LYST: variants seen among roughly 807,000 people sequenced by gnomAD.
LYST encodes lysosomal trafficking regulator.
In LYST, 192 loss-of-function variants were observed where a neutral mutation model predicts 413.6. That is an observed-to-expected ratio of 0.46 (90% confidence interval 0.41 to 0.52). The LOEUF (loss-of-function observed/expected upper bound fraction) is 0.52. LYST is among the 20% of genes least tolerant of loss of function. The probability of loss-of-function intolerance (pLI) is 0.00; values close to 1 mark genes in which losing one functional copy is unlikely to be tolerated. For missense variants in LYST, 3,815 were observed against 4,499.9 expected (o/e 0.85, Z 4.35); for synonymous variants, 1,525 against 1,567.3 (o/e 0.97, Z 0.64).
intron 21 of LYST, among the ~76,000 whole-genome samples, chr1:235,763,311 C>T (rs1245975319): frequency 6.6e-6 from 1 of 152,180 alleles, no homozygotes; most frequent in Non-Finnish European, 1.5e-5. Flanking sequence ...ACAAATGCAA[C>T]AAATCTAAAT....
intron 1 of LYST, among the ~76,000 whole-genome samples, chr1:235,845,670 C>T (rs936139441): frequency 6.6e-6 from 1 of 152,030 alleles, no homozygotes. Context: ...GTGAGAGTGG[C>T]CCTTCTGTTT....
intron 20 of LYST, among the ~76,000 whole-genome samples, chr1:235,769,314 A>C (rs957255201): frequency 6.6e-6 from 1 of 152,012 alleles, no homozygotes; most frequent in African/African-American, 2.4e-5. Flanking sequence ...AAGGGAAAGA[A>C]ATCCAGGGAG....
Position 235,726,926 on chromosome 1 carries a change from C to T in LYST, c.9162+1150G>A, listed in dbSNP as rs1015579037. On this transcript the variant is annotated intron_variant, in intron 38 of 52. Coordinates refer to ENST00000389793, the MANE Select transcript of LYST (RefSeq NM_000081.4). Reference sequence around the variant, plus strand: ...GTCTCATACATCAACTATTAAATTCCTTGGCTGATAAAAGGATCCATCTTG... The same window carrying T: ...GTCTCATACATCAACTATTAAATTCTTTGGCTGATAAAAGGATCCATCTTG... Among the ~76,000 whole-genome samples the T allele has an allele frequency of 2.6e-5, 4 of 152,134 alleles. No individual in the cohort carries two copies. In the South Asian group the frequency reaches 8.3e-4, roughly 31 times the overall value.
chr1:235,869,813 CAA>C (rs1680853422), upstream of LYST, among the ~76,000 whole-genome samples: 2 of 149,990 alleles, frequency 1.3e-5, no homozygotes, highest in Non-Finnish European at 3.0e-5. Flanking sequence ...TCTGGCTCCT[CAA>C]AACTTCGTCT....
Position 235,715,332 on chromosome 1 carries a change from C to A in LYST, c.9653G>T (p.Gly3218Val), listed in dbSNP as rs1337650945. Residue 3218 changes from glycine (G) to valine (V), a missense_variant, in exon 42 of 53, where the codon GGA becomes GTA. By Grantham distance (109) the Gly-to-Val change is moderately radical. Transcript: ENST00000389793. ...AGGCATGGGGTCATCTTCTCTGGCT[C>A]CTTTGCGGTACTCTTCCTCCAAGTA... ...YKYLEEEYRKGAREDDPMPPV... is the reference protein window; with the variant it reads ...YKYLEEEYRKVAREDDPMPPV... 1.2e-6 allele frequency: 2 copies of A among 1,613,962 alleles called. No homozygotes were observed. The highest frequency in any genetic ancestry group is 1.7e-6 in the Non-Finnish European group (2 of 1,179,918).
Position 235,731,184 on chromosome 1 carries a change from G to A in LYST, c.8802-7C>T, listed in dbSNP as rs763001543. On this transcript the variant is annotated splice_region_variant and splice_polypyrimidine_tract_variant and intron_variant, in intron 34 of 52. Coordinates refer to ENST00000389793, the MANE Select transcript of LYST (RefSeq NM_000081.4). The stretch of plus-strand genomic sequence containing the variant: ...GGGGTCATACCATACTGCTCTGCAA[G>A]TAAAAAGATTAAAGGGTGTTTTAAG... 1 of 1,613,890 alleles carries A rather than the reference G, an allele frequency of 6.2e-7. No homozygotes were observed. The highest frequency in any genetic ancestry group is 8.5e-7 in the Non-Finnish European group (1 of 1,179,782).
In LYST at chr1:235,777,409, CCTTTT is replaced by C. The variant is rs569930396; in HGVS notation, c.5215-106_5215-102del. On this transcript the variant is annotated intron_variant, in intron 16 of 52. Coordinates refer to ENST00000389793, the MANE Select transcript of LYST (RefSeq NM_000081.4). ...CAAAGTGAAAACACACTCAACTGAT[CCTTTT>C]CTTTGTTTAAAAAACAACAGCTACT... The C allele has an allele frequency of 9.4e-5, 93 of 990,430 alleles. No homozygotes were observed. In the African/African-American group the frequency reaches 1.3e-3, roughly 14 times the overall value. The allele number at this position is 990,430 out of a possible 1,614,324, so 61.4% of individuals were successfully genotyped here.
At chr1:235,865,363 A>T (rs1223031341) in intron 1 of LYST, among the ~76,000 whole-genome samples, 1 of 152,102 alleles carries the variant, frequency 6.6e-6, no homozygotes, top group Non-Finnish European at 1.5e-5. Flanking sequence ...GTAGTACTTA[A>T]CACCATCTGA....
At position 235,806,096 on chromosome 1, in the gene LYST, C is replaced by T. The variant is rs757852938; in HGVS notation, c.3040G>A (p.Gly1014Arg). The T allele has an allele frequency of 1.9e-6, 3 of 1,613,652 alleles. No individual in the cohort carries two copies. In the South Asian group the frequency reaches 3.3e-5, roughly 18 times the overall value. Residue 1014 changes from glycine to arginine, a missense_variant, in exon 6 of 53, where the codon GGA becomes AGA. Around this residue, in one of 4 missense-constraint regions of LYST, gnomAD observed 1,648 missense variants for 1,810.3 expected, o/e 0.91. Coordinates refer to ENST00000389793, the MANE Select transcript of LYST (RefSeq NM_000081.4). ...SHKEEQGKKE[G>R]DTSVNENQDL... is the part of the protein sequence containing the mutation. ...TGGTTTTCATTTACACTTGTATCTCCCTCCTTTTTTCCTTGCTCCTCTTTG... is the reference window on the plus strand; with the variant it reads ...TGGTTTTCATTTACACTTGTATCTCTCTCCTTTTTTCCTTGCTCCTCTTTG...
Position 235,791,919 on chromosome 1 carries a change from C to A in LYST, c.4323G>T (p.Glu1441Asp). Residue 1441 changes from glutamate (E) to aspartate (D), a missense_variant, in exon 12 of 53, where the codon GAG becomes GAT. Physicochemically the swap from Glu to Asp is conservative, Grantham distance 45. Coordinates refer to ENST00000389793, the MANE Select transcript of LYST (RefSeq NM_000081.4). Reference sequence around the variant, plus strand: ...ATGAAAGCAGCCGATGGGGAAAACTCTCTCTATCAGCCTCTTTCTTGCTCC... The same window carrying A: ...ATGAAAGCAGCCGATGGGGAAAACTATCTCTATCAGCCTCTTTCTTGCTCC... ...VSRSKKEADR[E>D]SFPHRLLSSW... The A allele has an allele frequency of 6.2e-7, 1 of 1,614,130 alleles. No homozygotes were observed. The highest frequency in any genetic ancestry group is 8.5e-7 in the Non-Finnish European group (1 of 1,179,970).
chr1:235,677,497 G>A lies in LYST; in HGVS notation c.10923C>T (p.Ile3641=), dbSNP rs1329240342. The change falls in exon 49 of 53, where the codon ATC becomes ATT. Residue 3641 remains isoleucine (I), a synonymous_variant. Coordinates refer to ENST00000389793, the MANE Select transcript of LYST (RefSeq NM_000081.4). ...LISVSRDGTC[I]IWDLNRLCYV... The stretch of plus-strand genomic sequence containing the variant: ...TTCTGTACCTGTTTAAATCCCATAT[G>A]ATGCAGGTTCCGTCTCTGCTCACAC... The A allele has an allele frequency of 6.2e-7, 1 of 1,613,590 alleles. No individual in the cohort carries two copies. Among genetic ancestry groups the A allele is most frequent in the Non-Finnish European group, 8.5e-7 (1 of 1,179,776 alleles).
chr1:235,666,223 C>CAT (rs1276347152), intron 50 of LYST, among the ~76,000 whole-genome samples: 2 of 86,468 alleles, frequency 2.3e-5, no homozygotes, highest in East Asian at 6.2e-4. Flanking sequence ...GCAGTATGTA[C>CAT]ATACACACAC....
At chr1:235,798,607 A>AC (rs1438058393) in intron 10 of LYST, among the ~76,000 whole-genome samples, 4 of 143,242 alleles carry the variant, frequency 2.8e-5, no homozygotes, top group East Asian at 2.0e-4. Context: ...AAAAAAAAAA[A>AC]AAAAAAAAAC....
intron 1 of LYST, among the ~76,000 whole-genome samples, chr1:235,839,264 G>C (rs546043367): frequency 1.3e-5 from 2 of 149,048 alleles, no homozygotes; most frequent in African/African-American, 2.5e-5. Flanking sequence ...TATATATACA[G>C]TTTTTTTTTT....
At chr1:235,699,237 C>T (rs1454701142) in intron 45 of LYST, among the ~76,000 whole-genome samples, 2 of 152,086 alleles carry the variant, frequency 1.3e-5, no homozygotes, top group African/African-American at 4.8e-5. Flanking sequence ...CTCTCCCATC[C>T]CCACCAACTC....
chr1:235,864,995 A>C (rs549920549), intron 1 of LYST, among the ~76,000 whole-genome samples: 54 of 152,304 alleles, frequency 3.5e-4, no homozygotes, highest in African/African-American at 1.2e-3. Flanking sequence ...TGAGAGTAGA[A>C]ACTCAAGTCC....
chr1:235,772,053 T>A (rs1668760160), intron 19 of LYST, among the ~76,000 whole-genome samples: 1 of 150,564 alleles, frequency 6.6e-6, no homozygotes, highest in Non-Finnish European at 1.5e-5. Context: ...TGAGACTTCA[T>A]CTCTACAAAA....
chr1:235,709,694 T>C (rs1337381120), intron 43 of LYST, among the ~76,000 whole-genome samples: 1 of 150,272 alleles, frequency 6.7e-6, no homozygotes, highest in East Asian at 1.9e-4. Flanking sequence ...TAAGGCTTTG[T>C]AGAAGCATTT....
rs200437063 is a variant in LYST at position 235,752,079 on chromosome 1, T to C, written c.7553A>G (p.Gln2518Arg). ...TIHACSSSGSQYFRVIEDLIV... is the reference protein window; with the variant it reads ...TIHACSSSGSRYFRVIEDLIV... ...AAGGTCTTCAATAACCCTAAAATAT[T>C]GTGAGCCTGAGGAACTGCAAGCATG... The change falls in exon 27 of 53, where the codon CAA becomes CGA. Residue 2518 changes from glutamine to arginine, a missense_variant. Physicochemically the swap from Gln to Arg is conservative, Grantham distance 43. Transcript: ENST00000389793. 17 of 1,611,094 alleles carry C rather than the reference T, an allele frequency of 1.1e-5. No homozygotes were observed. The East Asian group carries it at 1.6e-4, about 15-fold the overall frequency.
Sources: gnomAD v4.1 joint callset for allele counts (sites outside exome capture counted in the v4.1 genomes callset) on GRCh38, gnomAD v4.1.1 for gene constraint, gnomAD v4.1.1 regional missense constraint, MANE v1.5 for transcripts, NCBI Gene and HGNC (gene_info 2026-07-23, HGNC 2026-07-21) for gene names.